Variants in ZNF804B observed in about 807,000 individuals in gnomAD.
The protein encoded by ZNF804B is zinc finger 804B.
In ZNF804B, 80 loss-of-function variants were observed where a neutral mutation model predicts 101.4. The ratio of observed to expected loss-of-function variants is 0.79; its 90% confidence interval spans 0.66 to 0.95. ZNF804B has a LOEUF of 0.95. Among genes scored for constraint, ZNF804B ranks in the 40% least tolerant of loss-of-function variants. ZNF804B has a pLI of 0.00. For missense variants in ZNF804B, 1,673 were observed against 1,561.9 expected (o/e 1.07, Z -1.20); for synonymous variants, 622 against 558.8 (o/e 1.11, Z -1.59).
intron 1 of ZNF804B, among the ~76,000 whole-genome samples, chr7:88,896,217 A>G (rs1792283093): frequency 6.6e-6 from 1 of 152,212 alleles, no homozygotes; most frequent in Non-Finnish European, 1.5e-5. Context: ...CAAATGAAGC[A>G]TAGAGTTTAG....
intron 1 of ZNF804B, among the ~76,000 whole-genome samples, chr7:88,871,476 T>C (rs531824601): frequency 2.1e-4 from 32 of 152,134 alleles, no homozygotes; most frequent in African/African-American, 7.5e-4. Context: ...TCAATAACAA[T>C]TGAAAGATAA....
At chr7:88,815,250 A>G (rs1790858434) in intron 1 of ZNF804B, among the ~76,000 whole-genome samples, 1 of 148,418 alleles carries the variant, frequency 6.7e-6, no homozygotes, top group South Asian at 2.1e-4. Context: ...TTTAATTGTA[A>G]TCTCTTATCT....
intron 2 of ZNF804B, among the ~76,000 whole-genome samples, chr7:89,323,141 A>T (rs530240767): frequency 2.4e-4 from 37 of 152,240 alleles, no homozygotes; most frequent in Non-Finnish European, 4.9e-4. Context: ...AAAGATGTCC[A>T]TCTGCAAACC....
chr7:89,041,847 A>C lies in ZNF804B; in HGVS notation c.109-176308A>C, dbSNP rs893957758. On this transcript the variant is annotated intron_variant, in intron 1 of 3. Coordinates refer to ENST00000333190, the MANE Select transcript of ZNF804B (RefSeq NM_181646.5). The stretch of plus-strand genomic sequence containing the variant: ...CTATAATTTGTCAGCTAAATTTCTT[A>C]GCTTTTGTGAAGGTATTTTTATCCA... Among the ~76,000 whole-genome samples, 2 of 152,150 alleles carry C rather than the reference A, an allele frequency of 1.3e-5. 1 individual carries two copies. Among genetic ancestry groups the C allele is most frequent in the South Asian group, 4.1e-4 (2 of 4,832 alleles).
chr7:89,322,701 A>G (rs1790838243), intron 2 of ZNF804B, among the ~76,000 whole-genome samples: 1 of 152,176 alleles, frequency 6.6e-6, no homozygotes, highest in Non-Finnish European at 1.5e-5. Context: ...TGAAAGAAAC[A>G]CATTACCAAA....
intron 1 of ZNF804B, among the ~76,000 whole-genome samples, chr7:89,102,474 T>A (rs897047607): frequency 1.3e-5 from 2 of 152,066 alleles, no homozygotes; most frequent in African/African-American, 2.4e-5. Context: ...GTTGGTCGCT[T>A]GTGTTTCTTC....
intron 1 of ZNF804B, among the ~76,000 whole-genome samples, chr7:88,868,984 A>G (rs761606195): frequency 5.3e-5 from 8 of 152,122 alleles, no homozygotes; most frequent in Non-Finnish European, 1.0e-4. Flanking sequence ...GCTTTCTTAT[A>G]TCCACATATT....
intron 1 of ZNF804B, among the ~76,000 whole-genome samples, chr7:89,033,358 T>A (rs192968872): frequency 2.3e-4 from 35 of 152,310 alleles, no homozygotes; most frequent in Admixed American, 1.8e-3. Flanking sequence ...TAGCCATTCA[T>A]CTGTTGATGT....
chr7:89,183,736 TA>T (rs1350883616), intron 1 of ZNF804B, among the ~76,000 whole-genome samples: 3 of 152,206 alleles, frequency 2.0e-5, no homozygotes, highest in African/African-American at 7.2e-5. Flanking sequence ...GCACTCATTT[TA>T]TGAAGAAAAA....
intron 1 of ZNF804B, among the ~76,000 whole-genome samples, chr7:88,842,396 A>C (rs1431612015): frequency 1.3e-5 from 2 of 152,122 alleles, no homozygotes; most frequent in Non-Finnish European, 2.9e-5. Context: ...GGAGAACATA[A>C]ATCATATCAC....
chr7:89,054,980 A>C (rs868312108), intron 1 of ZNF804B, among the ~76,000 whole-genome samples: 6 of 152,262 alleles, frequency 3.9e-5, no homozygotes, highest in African/African-American at 1.4e-4. Flanking sequence ...CAACAGGAAG[A>C]AAACTAAAAT....
At chr7:88,813,170 A>G (rs1171437498) in intron 1 of ZNF804B, among the ~76,000 whole-genome samples, 1 of 152,096 alleles carries the variant, frequency 6.6e-6, no homozygotes, top group South Asian at 2.1e-4. Context: ...TCTCACGCCT[A>G]TAATACCAGC....
intron 1 of ZNF804B, among the ~76,000 whole-genome samples, chr7:89,074,332 A>G (rs1312262821): frequency 6.6e-6 from 1 of 152,206 alleles, no homozygotes; most frequent in African/African-American, 2.4e-5. Context: ...CTAATCTTGA[A>G]TTATAAGTCC....
chr7:89,272,344 A>T (rs1395267311), intron 2 of ZNF804B, among the ~76,000 whole-genome samples: 14 of 152,112 alleles, frequency 9.2e-5, no homozygotes, highest in Admixed American at 9.2e-4. Context: ...CTAAATTGGA[A>T]TCATAATTTA....
Position 89,220,039 on chromosome 7 carries a change from A to G in ZNF804B, c.249+1744A>G, listed in dbSNP as rs1354160599. Among the ~76,000 whole-genome samples, 2 of 141,962 alleles carry G rather than the reference A, an allele frequency of 1.4e-5. 1 individual carries two copies. Among genetic ancestry groups the G allele is most frequent in the African/African-American group, 5.4e-5 (2 of 37,226 alleles). The allele number at this position is 141,962 out of a possible 152,430, so 93.1% of individuals were successfully genotyped here. A position where few individuals can be genotyped will look rare whatever the true frequency, so the allele number is the denominator to read the frequency against. ...TGTGTATACATATATATACGCACATATATGTGCATATATACATATATACGC... is the reference window on the plus strand; with the variant it reads ...TGTGTATACATATATATACGCACATGTATGTGCATATATACATATATACGC... On this transcript the variant is annotated intron_variant, in intron 2 of 3. Transcript: ENST00000333190.
intron 1 of ZNF804B, among the ~76,000 whole-genome samples, chr7:88,809,855 G>A (rs13222208): frequency 0.34 from 51,891 of 151,974 alleles, 9,441 homozygotes; most frequent in East Asian, 0.51. Context: ...AGTGGAAGGT[G>A]GCCATCTTCA....
intron 1 of ZNF804B, among the ~76,000 whole-genome samples, chr7:89,194,193 A>T (rs898311061): frequency 7.2e-5 from 11 of 151,898 alleles, no homozygotes; most frequent in African/African-American, 2.4e-4. Flanking sequence ...GTTTGAGTTC[A>T]TTGTAGATTC....
intron 3 of ZNF804B, among the ~76,000 whole-genome samples, chr7:89,328,194 C>G (rs1790926111): frequency 6.6e-6 from 1 of 151,820 alleles, no homozygotes; most frequent in Non-Finnish European, 1.5e-5. Flanking sequence ...AATTTAAACA[C>G]CTATTGCTTA....
Position 89,201,811 on chromosome 7 carries a change from T to A in ZNF804B, c.109-16344T>A, listed in dbSNP as rs552756557. On this transcript the variant is annotated intron_variant, in intron 1 of 3. Coordinates refer to ENST00000333190, the MANE Select transcript of ZNF804B (RefSeq NM_181646.5). ...TTAAGCCCCAGAATTAAAAATCTCA[T>A]CAAGTGTCATTCATTTCTTATATAT... is the stretch of plus-strand genomic sequence containing the variant. Among the ~76,000 whole-genome samples, 6 of 152,160 alleles carry A rather than the reference T, an allele frequency of 3.9e-5. No individual in the cohort carries two copies. In the South Asian group the frequency reaches 1.2e-3, roughly 32 times the overall value.
Sources: allele counts gnomAD v4.1 joint callset (sites outside exome capture counted in the v4.1 genomes callset), GRCh38; gene constraint gnomAD v4.1.1; transcripts MANE v1.5; gene names NCBI Gene and HGNC (gene_info 2026-07-23, HGNC 2026-07-21).